Variants in STK11 observed in about 807,000 individuals in gnomAD.
STK11 encodes the protein serine/threonine kinase 11.
Under a neutral mutation model 47.3 loss-of-function variants are expected in STK11, and 8 were observed. The ratio of observed to expected loss-of-function variants is 0.17; its 90% confidence interval spans 0.10 to 0.31. STK11 has a LOEUF of 0.31. Among genes scored for constraint, STK11 ranks in the 10% least tolerant of loss-of-function variants. The pLI, the probability that STK11 is intolerant of heterozygous loss-of-function variation, is 1.00. For synonymous variants in STK11, 330 were observed against 255.8 expected (o/e 1.29, Z -2.77); for missense variants, 475 against 605.0 (o/e 0.79, Z 2.25).
At chr19:1,226,376 T>C in intron 8 of STK11, 78 bp from the exon 9 acceptor site, 1 of 1,554,648 alleles carries the variant, frequency 6.4e-7, no homozygotes, top group Non-Finnish European at 8.7e-7. Flanking sequence ...TGCGTCCCCG[T>C]GGTGGGGGCC....
At chr19:1,216,784 C>T (rs535416864) in intron 1 of STK11, among the ~76,000 whole-genome samples, 2 of 150,484 alleles carry the variant, frequency 1.3e-5, no homozygotes, top group East Asian at 3.9e-4. Context: ...GGGAGGATCG[C>T]TTGAGCCTGG....
rs1568712470 is a variant in STK11, at chr19:1,223,140, ACAT to A, written c.1081_1083del (p.Ile361del). 6.2e-7 allele frequency: 1 copy of A among 1,611,684 alleles called. No homozygotes were observed. Among genetic ancestry groups the A allele is most frequent in the South Asian group, 1.1e-5 (1 of 90,840 alleles). On this transcript the variant is annotated inframe_deletion, in exon 8 of 10. Coordinates refer to ENST00000326873, the MANE Select transcript of STK11 (RefSeq NM_000455.5). ...GAGGACCTCTTCGACATCGAGGATG[ACAT>A]CATCTACACTCAGGACTTCACGGTG... is the stretch of plus-strand genomic sequence containing the variant.
chr19:1,220,826 C>T (rs2080778299), intron 5 of STK11, 109 bp downstream of exon 5: 2 of 1,463,006 alleles, frequency 1.4e-6, no homozygotes. Context: ...CGGCCCAGAC[C>T]CTCTCTGGCC....
chr19:1,209,583 A>AAAATAAAT lies in STK11; in HGVS notation c.290+2417_290+2424dup, dbSNP rs35010183. Among the ~76,000 whole-genome samples, 548 of 147,288 alleles carry AAAATAAAT rather than the reference A, an allele frequency of 3.7e-3. 4 individuals are homozygous for AAAATAAAT. The highest frequency in any genetic ancestry group is 9.6e-3 in the African/African-American group (383 of 39,914). Reference sequence around the variant, plus strand: ...GGCGACACAGCGAGACTCTGTCTCAAAAATAAATAAATAAATAAATAAATA... The same window carrying AAAATAAAT: ...GGCGACACAGCGAGACTCTGTCTCAAAAATAAATAAATAAATAAATAAATAAATAAATA... On this transcript the variant is annotated intron_variant, in intron 1 of 9. Coordinates refer to ENST00000326873, the MANE Select transcript of STK11 (RefSeq NM_000455.5).
chr19:1,226,332 C>A (rs748260775), intron 8 of STK11, 122 bp from the exon 9 acceptor site: 8 of 1,495,660 alleles, frequency 5.3e-6, no homozygotes, highest in African/African-American at 1.4e-5. Context: ...GGGCCTGACC[C>A]GGGGGCGGGC....
chr19:1,227,357 A>C (rs1283427923), intron 9 of STK11: 1 of 235,872 alleles, frequency 4.2e-6, no homozygotes, highest in East Asian at 7.7e-5. Flanking sequence ...CTGTCCCCCA[A>C]ATGGGTGCCC....
chr19:1,212,745 C>T (rs1471182251), intron 1 of STK11, among the ~76,000 whole-genome samples: 3 of 151,656 alleles, frequency 2.0e-5, no homozygotes, highest in East Asian at 2.0e-4. Context: ...GGGGTTTCAC[C>T]GTGTTAGCCA....
At chr19:1,224,463 C>G (rs552036176) in intron 8 of STK11, 2 of 985,432 alleles carry the variant, frequency 2.0e-6, no homozygotes, top group South Asian at 4.7e-5. Flanking sequence ...GGTCTTCTGC[C>G]TTTCAGAGCC....
intron 8 of STK11, chr19:1,225,702 C>A: frequency 1.0e-6 from 1 of 985,592 alleles, no homozygotes; most frequent in Non-Finnish European, 1.2e-6. Context: ...AGCTCTGGGG[C>A]AGCCCGGGGC....
rs1230000936 is a variant in STK11 at position 1,220,655 on chromosome 19, T to A, written c.672T>A (p.Ile224=). 5 of 1,610,602 alleles carry A rather than the reference T, an allele frequency of 3.1e-6. No individual in the cohort carries two copies. Among genetic ancestry groups the A allele is most frequent in the East Asian group, 2.2e-5 (1 of 44,836 alleles). Residue 224 remains isoleucine (I), a synonymous_variant, in exon 5 of 10, where the codon ATT becomes ATA. Transcript: ENST00000326873. ...QGSPAFQPPE[I]ANGLDTFSGF... ...CCCCGGCTTTCCAGCCGCCCGAGATTGCCAACGGCCTGGACACCTTCTCCG... is the reference window on the plus strand; with the variant it reads ...CCCCGGCTTTCCAGCCGCCCGAGATAGCCAACGGCCTGGACACCTTCTCCG...
At chr19:1,209,810 A>G (rs569367057) in intron 1 of STK11, among the ~76,000 whole-genome samples, 2 of 152,122 alleles carry the variant, frequency 1.3e-5, no homozygotes, top group African/African-American at 2.4e-5. Flanking sequence ...GAGACAGGCA[A>G]GAAGGTTGCA....
At chr19:1,217,002 C>T (rs1161425545) in intron 1 of STK11, among the ~76,000 whole-genome samples, 2 of 151,784 alleles carry the variant, frequency 1.3e-5, no homozygotes, top group Non-Finnish European at 2.9e-5. Flanking sequence ...TGTGGAAGGG[C>T]CCCTGGGTGG....
Position 1,206,777 on chromosome 19 carries a change from C to A in STK11, c.-137C>A, listed in dbSNP as rs527710714. 1.7e-6 allele frequency: 2 copies of A among 1,145,478 alleles called. No individual in the cohort carries two copies. The highest frequency in any genetic ancestry group is 2.4e-6 in the Non-Finnish European group (2 of 835,102). The allele number at this position is 1,145,478 out of a possible 1,614,324, so 71.0% of individuals were successfully genotyped here. On this transcript the variant is annotated 5_prime_UTR_variant, in exon 1 of 10. Coordinates refer to ENST00000326873, the MANE Select transcript of STK11 (RefSeq NM_000455.5). ...CTGTTGGAAGAAGGGTTTTTCCCTT[C>A]CTTTTGGGGTTTTTGTTGCCTTTTT...
rs752015385 is a variant in STK11, at chr19:1,226,495, C to T, written c.1150C>T (p.Arg384Trp). Residue 384 changes from arginine to tryptophan, a missense_variant, in exon 9 of 10, where the codon CGG (arginine) becomes TGG (tryptophan). Transcript: ENST00000326873. The stretch of plus-strand genomic sequence containing the variant: ...GGAGGCCAGTCACAATGGACAGCGC[C>T]GGGGCCTCCCCAAGGCCGTGTGTAT... ...EEEASHNGQR[R>W]GLPKAVCMNG... 2.4e-5 allele frequency: 38 copies of T among 1,611,100 alleles called. No homozygotes were observed. Among genetic ancestry groups the T allele is most frequent in the Middle Eastern group, 1.7e-4 (1 of 6,020 alleles).
rs747435838 is a variant in STK11, at chr19:1,206,964, G to T, written c.51G>T (p.Leu17=). The stretch of plus-strand genomic sequence containing the variant: ...TGGGCATGTTCACGGAGGGCGAGCT[G>T]ATGTCGGTGGGTATGGACACGTTCA... ...QQLGMFTEGE[L]MSVGMDTFIH... The change falls in exon 1 of 10, where the codon CTG becomes CTT. Residue 17 remains leucine (L), a synonymous_variant. Coordinates refer to ENST00000326873, the MANE Select transcript of STK11 (RefSeq NM_000455.5). 1 of 1,610,120 alleles carries T rather than the reference G, an allele frequency of 6.2e-7. No homozygotes were observed. The highest frequency in any genetic ancestry group is 8.5e-7 in the Non-Finnish European group (1 of 1,178,504).
intron 3 of STK11, among the ~76,000 whole-genome samples, chr19:1,219,695 G>T (rs889373358): frequency 2.0e-5 from 3 of 152,022 alleles, no homozygotes. Flanking sequence ...ACAGGCGCCC[G>T]CCACCACGCC....
rs2080781982 is a variant in STK11 at position 1,221,263 on chromosome 19, AGTT to A, written c.789_791del (p.Leu263del). 1 of 1,612,268 alleles carries A rather than the reference AGTT, an allele frequency of 6.2e-7. No individual in the cohort carries two copies. The highest frequency in any genetic ancestry group is 1.3e-5 in the African/African-American group (1 of 74,920). ...CCCTTCGAAGGGGACAACATCTACAAGTTGTTTGAGAACATCGGGAAGGGGAGC... is the reference window on the plus strand; with the variant it reads ...CCCTTCGAAGGGGACAACATCTACAAGTTTGAGAACATCGGGAAGGGGAGC... On this transcript the variant is annotated inframe_deletion, in exon 6 of 10. Transcript: ENST00000326873.
At chr19:1,227,562 T>C in intron 9 of STK11, 31 bp from the exon 10 acceptor site, 2 of 1,063,700 alleles carry the variant, frequency 1.9e-6, no homozygotes, top group Non-Finnish European at 2.3e-6. Flanking sequence ...GTGCCCAGGC[T>C]GACCTCTTCC....
At chr19:1,213,019 T>TG (rs1318984230) in intron 1 of STK11, among the ~76,000 whole-genome samples, 1 of 113,596 alleles carries the variant, frequency 8.8e-6, no homozygotes, top group Non-Finnish European at 1.8e-5. Context: ...TTTTTTGAGA[T>TG]GGAGTCTCGC....
Sources: allele counts gnomAD v4.1 joint callset (sites outside exome capture counted in the v4.1 genomes callset), GRCh38; gene constraint gnomAD v4.1.1; transcripts MANE v1.5; gene names NCBI Gene and HGNC (gene_info 2026-07-23, HGNC 2026-07-21).